PLCB1: variants seen among roughly 807,000 people sequenced by gnomAD.
PLCB1 encodes the protein phospholipase C beta 1, also known as 1-phosphatidylinositol 4,5-bisphosphate phosphodiesterase beta-1.
In PLCB1, 46 loss-of-function variants were observed where a neutral mutation model predicts 161.8. That is an observed-to-expected ratio of 0.28 (90% confidence interval 0.22 to 0.36). The LOEUF (loss-of-function observed/expected upper bound fraction) is 0.36. Ranked by LOEUF, PLCB1 falls within the 10% of genes least tolerant of loss-of-function variation. PLCB1 has a pLI of 1.00. For synonymous variants in PLCB1, 517 were observed against 503.7 expected (o/e 1.03, Z -0.35); for missense variants, 1,016 against 1,472.5 (o/e 0.69, Z 5.07).
intron 25 of PLCB1, among the ~76,000 whole-genome samples, chr20:8,762,973 T>C (rs964594501): frequency 1.3e-5 from 2 of 152,160 alleles, no homozygotes; most frequent in African/African-American, 4.8e-5. Context: ...ATTCAAACCA[T>C]GGAAACATGT....
At chr20:8,269,874 G>T (rs1250211463) in intron 2 of PLCB1, among the ~76,000 whole-genome samples, 1 of 151,468 alleles carries the variant, frequency 6.6e-6, no homozygotes, top group Non-Finnish European at 1.5e-5. Context: ...TTCTTTATTT[G>T]TGAAATGTAG....
At chr20:8,346,948 A>AAGG (rs144303848) in intron 2 of PLCB1, among the ~76,000 whole-genome samples, 3,442 of 152,344 alleles carry the variant, frequency 0.023, 57 homozygotes, top group Admixed American at 0.035. Context: ...AGACAGATAG[A>AAGG]AGGAGGATAC....
At chr20:8,540,993 T>C (rs1221051133) in intron 3 of PLCB1, among the ~76,000 whole-genome samples, 1 of 152,154 alleles carries the variant, frequency 6.6e-6, no homozygotes, top group Non-Finnish European at 1.5e-5. Context: ...CAGTGGCATG[T>C]GCACAAACAC....
intron 21 of PLCB1, among the ~76,000 whole-genome samples, chr20:8,740,134 G>A (rs1026718516): frequency 6.6e-6 from 1 of 152,086 alleles, no homozygotes; most frequent in South Asian, 2.1e-4. Flanking sequence ...AAAATCATAC[G>A]GTTGGAAAGG....
intron 2 of PLCB1, among the ~76,000 whole-genome samples, chr20:8,209,663 A>C (rs1187674565): frequency 6.6e-6 from 1 of 152,178 alleles, no homozygotes; most frequent in Non-Finnish European, 1.5e-5. Flanking sequence ...TATGTGAAAC[A>C]AAAAGGAGTT....
chr20:8,816,520 A>G (rs1176161282), intron 31 of PLCB1, among the ~76,000 whole-genome samples: 1 of 152,256 alleles, frequency 6.6e-6, no homozygotes, highest in Non-Finnish European at 1.5e-5. Context: ...AAGCCATACT[A>G]TCAAGCCAGA....
At chr20:8,846,699 A>G (rs1986702862) in intron 31 of PLCB1, among the ~76,000 whole-genome samples, 1 of 152,168 alleles carries the variant, frequency 6.6e-6, no homozygotes, top group African/African-American at 2.4e-5. Context: ...TGATTAACAC[A>G]GTAAAGAATT....
At chr20:8,223,678 T>C (rs1334567115) in intron 2 of PLCB1, among the ~76,000 whole-genome samples, 1 of 152,172 alleles carries the variant, frequency 6.6e-6, no homozygotes. Flanking sequence ...CAAATACTTG[T>C]AGAATTCAAA....
chr20:8,464,240 A>G (rs1981713061), intron 3 of PLCB1, among the ~76,000 whole-genome samples: 1 of 151,918 alleles, frequency 6.6e-6, no homozygotes, highest in East Asian at 2.0e-4. Context: ...GTGTTCTGAA[A>G]TTTCACTAAG....
At chr20:8,632,812 A>C (rs1394135343) in intron 4 of PLCB1, among the ~76,000 whole-genome samples, 3 of 152,190 alleles carry the variant, frequency 2.0e-5, no homozygotes, top group Non-Finnish European at 4.4e-5. Context: ...AGGTAGTAGC[A>C]GAGGGAACTG....
intron 3 of PLCB1, among the ~76,000 whole-genome samples, chr20:8,536,843 A>G (rs890904253): frequency 3.3e-5 from 5 of 152,186 alleles, no homozygotes; most frequent in Non-Finnish European, 5.9e-5. Flanking sequence ...TGCATGGGGG[A>G]ATATCATACA....
intron 3 of PLCB1, among the ~76,000 whole-genome samples, chr20:8,419,488 C>T (rs1979443277): frequency 6.6e-6 from 1 of 152,018 alleles, no homozygotes; most frequent in Non-Finnish European, 1.5e-5. Flanking sequence ...TTCAAATACC[C>T]ATACAATGAT....
At chr20:8,732,630 G>T (rs1407715403) in intron 18 of PLCB1, among the ~76,000 whole-genome samples, 1 of 144,250 alleles carries the variant, frequency 6.9e-6, no homozygotes, top group Non-Finnish European at 1.5e-5. Context: ...ATTAGAATTA[G>T]AAATTAGAAA....
chr20:8,409,974 A>G (rs1033652038), intron 3 of PLCB1, among the ~76,000 whole-genome samples: 4 of 152,142 alleles, frequency 2.6e-5, no homozygotes, highest in African/African-American at 4.8e-5. Context: ...TCTGAGGAAA[A>G]TGATCATAAA....
chr20:8,220,027 A>T (rs1398661701), intron 2 of PLCB1, among the ~76,000 whole-genome samples: 1 of 152,160 alleles, frequency 6.6e-6, no homozygotes, highest in Non-Finnish European at 1.5e-5. Flanking sequence ...TACATCTTTG[A>T]TAAATGAATG....
Position 8,371,672 on chromosome 20 carries a change from G to T in PLCB1, c.246+222G>T, listed in dbSNP as rs191982225. The T allele has an allele frequency of 2.0e-3, 798 of 391,044 alleles. 4 individuals are homozygous for T. Among genetic ancestry groups the T allele is most frequent in the Non-Finnish European group, 3.1e-3 (694 of 221,272 alleles). The allele number at this position is 391,044 out of a possible 1,614,324, so 24.2% of individuals were successfully genotyped here. A position where few individuals can be genotyped will look rare whatever the true frequency, so the allele number is the denominator to read the frequency against. ...GGCTTGCTTTATGTCCTCTAATTTT[G>T]CCTTTGTTTGAAAAAAAAAGACAAC... On this transcript the variant is annotated intron_variant, in intron 3 of 31. Coordinates refer to ENST00000338037, the MANE Select transcript of PLCB1 (RefSeq NM_015192.4).
At chr20:8,584,242 T>C (rs1223053502) in intron 3 of PLCB1, among the ~76,000 whole-genome samples, 1 of 152,140 alleles carries the variant, frequency 6.6e-6, no homozygotes, top group Admixed American at 6.5e-5. Flanking sequence ...AAACAGCCAC[T>C]GATACCAAGG....
intron 27 of PLCB1, among the ~76,000 whole-genome samples, chr20:8,783,061 G>T (rs138547175): frequency 6.6e-6 from 1 of 152,168 alleles, no homozygotes; most frequent in African/African-American, 2.4e-5. Flanking sequence ...ATTCCCCAGG[G>T]CCTTTCTGTT....
At chr20:8,833,450 T>G (rs6056190) in intron 31 of PLCB1, among the ~76,000 whole-genome samples, 42,522 of 152,074 alleles carry the variant, frequency 0.28, 6,215 homozygotes, top group Middle Eastern at 0.41. Context: ...GATTATGGGA[T>G]CTACAATTCA....
Sources: gnomAD v4.1 joint callset for allele counts (sites outside exome capture counted in the v4.1 genomes callset) on GRCh38, gnomAD v4.1.1 for gene constraint, MANE v1.5 for transcripts, NCBI Gene and HGNC (gene_info 2026-07-23, HGNC 2026-07-21) for gene names.